The following TGFB2 variants were observed in gnomAD, a reference collection of about 807,000 sequenced individuals.
The protein encoded by TGFB2 is transforming growth factor beta-2 proprotein.
In TGFB2, 13 loss-of-function variants were observed where a neutral mutation model predicts 42.7. The ratio of observed to expected loss-of-function variants is 0.30; its 90% CI spans 0.20 to 0.48. The LOEUF (loss-of-function observed/expected upper bound fraction) is 0.48. TGFB2 is among the 20% of genes least tolerant of loss of function. The pLI is 0.99. For missense variants in TGFB2, 390 were observed against 517.5 expected (o/e 0.75, Z 2.39); for synonymous variants, 193 against 193.6 (o/e 1.00, Z 0.03).
intron 2 of TGFB2, 141 bp downstream of exon 2, chr1:218,405,473 G>T (rs191635320): frequency 4.2e-6 from 6 of 1,421,256 alleles, no homozygotes; most frequent in Admixed American, 3.7e-5. Context: ...CAAACGATCC[G>T]CTTGCCTCAG....
intron 1 of TGFB2, among the ~76,000 whole-genome samples, chr1:218,385,844 A>T (rs527554439): frequency 6.6e-6 from 1 of 152,300 alleles, no homozygotes; most frequent in South Asian, 2.1e-4. Flanking sequence ...AGGTTGTCAC[A>T]GTTGTTGCAT....
rs534993738 is a variant in TGFB2 at position 218,396,553 on chromosome 1, T to A, written c.347-8616T>A. On this transcript the variant is annotated intron_variant, in intron 1 of 6. Transcript: ENST00000366930. ...AGTTGTTTGGTTTCTTTTTTTTTTT[T>A]AATCTTCTAAATTTTTAGAAAATTA... 2.8e-3 allele frequency among the ~76,000 whole-genome samples: 425 copies of A among 151,426 alleles called. 1 individual carries two copies. The highest frequency in any genetic ancestry group is 1.0e-2 in the African/African-American group (409 of 40,948).
chr1:218,350,479 C>T (rs564841169), intron 1 of TGFB2, among the ~76,000 whole-genome samples: 8 of 152,276 alleles, frequency 5.3e-5, no homozygotes, highest in African/African-American at 1.9e-4. Context: ...TTATCCTGAC[C>T]ACAATGTCAG....
rs1382090036 is a variant in TGFB2 at position 218,443,073 on chromosome 1, C to T, written c.*1711C>T. 6.6e-6 allele frequency: 1 copy of T among 152,150 alleles called. No homozygotes were observed. Among genetic ancestry groups the T allele is most frequent in the Non-Finnish European group, 1.5e-5 (1 of 68,020 alleles). The allele number at this position is 152,150 out of a possible 1,614,324, so 9.4% of individuals were successfully genotyped here. A position where few individuals can be genotyped will look rare whatever the true frequency, so the allele number is the denominator to read the frequency against. ...TCAGCATAAGTCATTTTGTGTATTT[C>T]ACTGAAGTTATAAGGTTTTTATAAA... is the stretch of plus-strand genomic sequence containing the variant. On this transcript the variant is annotated 3_prime_UTR_variant, in exon 7 of 7. Coordinates refer to ENST00000366930, the MANE Select transcript of TGFB2 (RefSeq NM_003238.6).
intron 2 of TGFB2, among the ~76,000 whole-genome samples, chr1:218,409,970 C>T (rs945022814): frequency 6.6e-6 from 1 of 152,190 alleles, no homozygotes; most frequent in Non-Finnish European, 1.5e-5. Flanking sequence ...TGAGCATAGG[C>T]ACTCCACCAG....
chr1:218,398,713 G>A (rs1041206661), intron 1 of TGFB2, among the ~76,000 whole-genome samples: 8 of 151,818 alleles, frequency 5.3e-5, no homozygotes, highest in African/African-American at 1.9e-4. Context: ...TCAGCCTCCC[G>A]AGTAGCTGGG....
intron 1 of TGFB2, chr1:218,363,330 C>T (rs760484945): frequency 1.9e-6 from 3 of 1,613,772 alleles, no homozygotes; most frequent in Non-Finnish European, 2.5e-6. Context: ...TTTAAAACTC[C>T]TAGCTGTCTG....
intron 2 of TGFB2, among the ~76,000 whole-genome samples, chr1:218,418,469 T>C (rs531134509): frequency 6.6e-6 from 1 of 152,378 alleles, no homozygotes; most frequent in African/African-American, 2.4e-5. Context: ...TATAGGCTCA[T>C]AGGCAGAAGG....
At chr1:218,376,385 C>T (rs566638744) in intron 1 of TGFB2, among the ~76,000 whole-genome samples, 22 of 152,268 alleles carry the variant, frequency 1.4e-4, no homozygotes, top group African/African-American at 5.1e-4. Flanking sequence ...CCATGACCTA[C>T]AAAATTTTGT....
intron 2 of TGFB2, among the ~76,000 whole-genome samples, chr1:218,420,293 C>T (rs1393609209): frequency 6.6e-6 from 1 of 152,190 alleles, no homozygotes; most frequent in Non-Finnish European, 1.5e-5. Flanking sequence ...ATTTAATTCT[C>T]CTTCAAATTC....
At chr1:218,347,635 C>T (rs926619041) in intron 1 of TGFB2, among the ~76,000 whole-genome samples, 2 of 152,206 alleles carry the variant, frequency 1.3e-5, no homozygotes, top group Non-Finnish European at 2.9e-5. Flanking sequence ...CTACCTGGCC[C>T]TCAGTCCTTG....
chr1:218,411,480 A>G (rs1295729404), intron 2 of TGFB2, among the ~76,000 whole-genome samples: 1 of 152,110 alleles, frequency 6.6e-6, no homozygotes, highest in Non-Finnish European at 1.5e-5. Context: ...ATAGTCTCAG[A>G]TGTCTCCATG....
chr1:218,399,879 C>T (rs546030565), intron 1 of TGFB2, among the ~76,000 whole-genome samples: 15 of 152,204 alleles, frequency 9.9e-5, no homozygotes, highest in Non-Finnish European at 1.9e-4. Context: ...AGGGAGGAAA[C>T]TGTGTGGAAA....
chr1:218,362,132 A>G (rs549855036), intron 1 of TGFB2, among the ~76,000 whole-genome samples: 51 of 152,372 alleles, frequency 3.3e-4, no homozygotes, highest in Non-Finnish European at 6.3e-4. Context: ...TCCATTTAAA[A>G]ATCAAGTGAT....
intron 1 of TGFB2, among the ~76,000 whole-genome samples, chr1:218,372,902 C>T (rs1475187320): frequency 6.6e-6 from 1 of 152,164 alleles, no homozygotes; most frequent in African/African-American, 2.4e-5. Flanking sequence ...CCCGGCTGGG[C>T]ACGGTGGCTC....
chr1:218,435,857 G>A, intron 4 of TGFB2, 113 bp from the exon 5 acceptor site: 1 of 1,066,378 alleles, frequency 9.4e-7, no homozygotes, highest in Non-Finnish European at 1.4e-6. Context: ...AGCTGATGCT[G>A]CTTTGGTGGT....
intron 2 of TGFB2, among the ~76,000 whole-genome samples, chr1:218,426,687 G>A (rs1473773708): frequency 6.6e-6 from 1 of 152,146 alleles, no homozygotes; most frequent in African/African-American, 2.4e-5. Flanking sequence ...ATCAGAAACA[G>A]TTGTTGGTCA....
chr1:218,385,411 C>T lies in TGFB2; in HGVS notation c.347-19758C>T, dbSNP rs11466385. The stretch of plus-strand genomic sequence containing the variant: ...GAGCTTGACGAAAGCCTGTGATCAC[C>T]GGTTCACAGAGCACAGAGGTTTTGG... On this transcript the variant is annotated intron_variant, in intron 1 of 6. Transcript: ENST00000366930. Among the ~76,000 whole-genome samples the T allele has an allele frequency of 5.4e-3, 820 of 152,310 alleles. 12 individuals are homozygous for T. Among genetic ancestry groups the T allele is most frequent in the African/African-American group, 0.017 (720 of 41,556 alleles).
intron 2 of TGFB2, among the ~76,000 whole-genome samples, chr1:218,420,216 G>C (rs895202655): frequency 6.6e-6 from 1 of 152,186 alleles, no homozygotes; most frequent in Non-Finnish European, 1.5e-5. Flanking sequence ...AATTTATACT[G>C]CTGGGCTGTG....
Sources: allele counts gnomAD v4.1 joint callset (sites outside exome capture counted in the v4.1 genomes callset), GRCh38; gene constraint gnomAD v4.1.1; transcripts MANE v1.5; gene names NCBI Gene and HGNC (gene_info 2026-07-23, HGNC 2026-07-21).